Variants in ASPHD2 observed in about 807,000 individuals in gnomAD.
ASPHD2 encodes the protein aspartate beta-hydroxylase domain containing 2.
A neutral mutation model predicts 34.6 loss-of-function variants in ASPHD2; 12 were observed. The observed-to-expected ratio is 0.35, with a 90% CI of 0.22 to 0.56. The LOEUF (loss-of-function observed/expected upper bound fraction) is 0.56, where lower values mean the gene tolerates loss of function less well. ASPHD2 is among the 20% of genes least tolerant of loss of function. ASPHD2 has a pLI of 0.87. For missense variants in ASPHD2, 375 were observed against 505.0 expected, an observed-to-expected ratio of 0.74 and a Z score of 2.47; for synonymous variants, 224 against 212.2, an observed-to-expected ratio of 1.06 and a Z score of -0.48.
intron 2 of ASPHD2, among the ~76,000 whole-genome samples, chr22:26,438,468 C>CAT (rs1462463653): frequency 6.9e-4 from 48 of 69,782 alleles, no homozygotes; most frequent in Non-Finnish European, 1.4e-3. Flanking sequence ...TATACACACA[C>CAT]ACATATATAT....
At chr22:26,442,773 G>A (rs2084860367) in intron 3 of ASPHD2, among the ~76,000 whole-genome samples, 1 of 152,120 alleles carries the variant, frequency 6.6e-6, no homozygotes, top group Non-Finnish European at 1.5e-5. Context: ...CACTCTTGGT[G>A]TTGTCCATCC....
intron 2 of ASPHD2, among the ~76,000 whole-genome samples, chr22:26,436,144 A>G (rs1048646750): frequency 6.6e-6 from 1 of 152,236 alleles, no homozygotes; most frequent in African/African-American, 2.4e-5. Flanking sequence ...TTCGGAAGCA[A>G]ACAGATCTGG....
intron 2 of ASPHD2, among the ~76,000 whole-genome samples, chr22:26,440,812 T>C (rs2146133665): frequency 6.6e-6 from 1 of 152,322 alleles, no homozygotes; most frequent in African/African-American, 2.4e-5. Context: ...GAGCCTTTGA[T>C]TTTTTAATCG....
chr22:26,443,069 T>C lies in ASPHD2; in HGVS notation c.1001-28T>C, dbSNP rs1177158606. On this transcript the variant is annotated intron_variant, in intron 3 of 3. Transcript: ENST00000215906. ...TCCTGACTCCAGGGTGGTTTGAACCTGTCCTCTCACCCCTCCTTCCCCCCC... is the reference window on the plus strand; with the variant it reads ...TCCTGACTCCAGGGTGGTTTGAACCCGTCCTCTCACCCCTCCTTCCCCCCC... 2.5e-6 allele frequency: 4 copies of C among 1,574,128 alleles called. No homozygotes were observed. In the African/African-American group the frequency reaches 5.4e-5, roughly 21 times the overall value.
chr22:26,430,810 G>C (rs749126663), intron 1 of ASPHD2, among the ~76,000 whole-genome samples: 1 of 152,188 alleles, frequency 6.6e-6, no homozygotes, highest in East Asian at 1.9e-4. Context: ...TTATGATCTC[G>C]GGAGGAGGGT....
In ASPHD2 at chr22:26,434,091, G is replaced by A. The variant is rs372200519; in HGVS notation, c.476G>A (p.Arg159Gln). The A allele has an allele frequency of 4.2e-5, 68 of 1,612,862 alleles. No homozygotes were observed. Among genetic ancestry groups the A allele is most frequent in the Admixed American group, 2.5e-4 (15 of 59,686 alleles). ...GAGCAGGGCCGGTACCTCAACAGCC[G>A]GCCCTCCATCCAGAAGCCCGAGGTC... ...IREQGRYLNS[R>Q]PSIQKPEVFF... The change falls in exon 2 of 4, where the codon CGG (arginine) becomes CAG (glutamine). Residue 159 changes from arginine (R) to glutamine (Q), a missense_variant. By Grantham distance (43) the Arg-to-Gln change is conservative. This residue lies in a region of ASPHD2 where 223 missense variants were observed against 257.8 expected (regional missense o/e 0.87). Coordinates refer to ENST00000215906, the MANE Select transcript of ASPHD2 (RefSeq NM_020437.5).
intron 1 of ASPHD2, among the ~76,000 whole-genome samples, chr22:26,432,758 G>A (rs2084765363): frequency 6.6e-6 from 1 of 152,216 alleles, no homozygotes; most frequent in African/African-American, 2.4e-5. Context: ...TGGGTAGACA[G>A]AAAATGCCCT....
In ASPHD2 at chr22:26,433,393, T is replaced by G. The variant is rs1326220389; in HGVS notation, c.-223T>G. ...GCTGATTTTTTTTTTCCATCCCAGG[T>G]TTGGTTTTCCTAAACAAATCCTTTC... On this transcript the variant is annotated splice_region_variant and 5_prime_UTR_variant, in exon 2 of 4. Coordinates refer to ENST00000215906, the MANE Select transcript of ASPHD2 (RefSeq NM_020437.5). This position sits in a 1 kb window ranked among gnomAD's most constrained non-coding sequence, Gnocchi z 5.1. 2 of 544,492 alleles carry G rather than the reference T, an allele frequency of 3.7e-6. No individual in the cohort carries two copies. The highest frequency in any genetic ancestry group is 3.1e-5 in the East Asian group (1 of 31,974). The allele number at this position is 544,492 out of a possible 1,614,324, so 33.7% of individuals were successfully genotyped here.
intron 2 of ASPHD2, among the ~76,000 whole-genome samples, chr22:26,435,389 C>T (rs1008204002): frequency 6.6e-6 from 1 of 152,124 alleles, no homozygotes; most frequent in Non-Finnish European, 1.5e-5. Context: ...ATAAAAAGCT[C>T]GTCTCTGGGA....
Position 26,433,948 on chromosome 22 carries a change from T to C in ASPHD2, c.333T>C (p.Pro111=), listed in dbSNP as rs3747128. 0.15 allele frequency: 238,185 copies of C among 1,613,390 alleles called. 19,385 individuals carry two copies. The highest frequency in any genetic ancestry group is 0.17 in the Non-Finnish European group (199,530 of 1,179,952). ...LQNGYVYCQS[P]ECVRCTHNEG... ...ATGGCTACGTGTACTGCCAGTCCCC[T>C]GAGTGCGTGCGCTGCACCCACAACG... Residue 111 remains proline (P), a synonymous_variant, in exon 2 of 4, where the codon CCT becomes CCC. Transcript: ENST00000215906. The surrounding 1 kb of genome is among the most constrained non-coding windows in gnomAD (Gnocchi z 5.1).
In ASPHD2 at chr22:26,433,573, C is replaced by T; in HGVS notation, c.-43C>T. On this transcript the variant is annotated 5_prime_UTR_variant, in exon 2 of 4. Transcript: ENST00000215906. The surrounding 1 kb of genome is among the most constrained non-coding windows in gnomAD (Gnocchi z 5.1). ...ATCTGAGGATCGGTGGCAGCCATGC[C>T]TCCCCCTGCCCCAGCCGCTCCTTCC... is the stretch of plus-strand genomic sequence containing the variant. The T allele has an allele frequency of 2.7e-6, 4 of 1,458,406 alleles. No homozygotes were observed. The highest frequency in any genetic ancestry group is 1.2e-5 in the South Asian group (1 of 83,108). The allele number at this position is 1,458,406 out of a possible 1,614,324, so 90.3% of individuals were successfully genotyped here.
rs768319539 is a variant in ASPHD2 at position 26,434,085 on chromosome 22, A to C, written c.470A>C (p.Asn157Thr). Reference protein sequence around the residue: ...KGIREQGRYLNSRPSIQKPEV... With the variant: ...KGIREQGRYLTSRPSIQKPEV... ...ATCCGCGAGCAGGGCCGGTACCTCA[A>C]CAGCCGGCCCTCCATCCAGAAGCCC... Residue 157 changes from asparagine (N) to threonine (T), a missense_variant, in exon 2 of 4, where the codon AAC (asparagine) becomes ACC (threonine). Coordinates refer to ENST00000215906, the MANE Select transcript of ASPHD2 (RefSeq NM_020437.5). 1.2e-6 allele frequency: 2 copies of C among 1,613,244 alleles called. No homozygotes were observed. The highest frequency in any genetic ancestry group is 1.1e-5 in the South Asian group (1 of 91,076).
chr22:26,434,321 CA>C lies in ASPHD2; in HGVS notation c.707del (p.Gln236ArgfsTer39). 1 of 1,614,182 alleles carries C rather than the reference CA, an allele frequency of 6.2e-7. No individual in the cohort carries two copies. Among genetic ancestry groups the C allele is most frequent in the Non-Finnish European group, 8.5e-7 (1 of 1,180,028 alleles). ...GEWFTFYLVN[Q>X]GVCVPRNCRK... ...GTGGTTCACCTTTTACTTGGTCAATCAGGGGGTTTGTGTTCCCAGGAACTGT... is the reference window on the plus strand; with the variant it reads ...GTGGTTCACCTTTTACTTGGTCAATCGGGGGTTTGTGTTCCCAGGAACTGT... On this transcript the variant is annotated frameshift_variant, in exon 2 of 4. Transcript: ENST00000215906. LOFTEE classifies it high-confidence loss of function.
chr22:26,434,494 C>A lies in ASPHD2; in HGVS notation c.879C>A (p.Cys293Ter). Residue 293 changes from cysteine (C) to a stop codon, truncating the protein, a stop_gained, in exon 2 of 4, where the codon TGC becomes TGA. Transcript: ENST00000215906. LOFTEE classifies it high-confidence loss of function. ...HYGPTNIRIR[C>*]HLGLKTPNGC... The stretch of plus-strand genomic sequence containing the variant: ...GACCCACCAACATCCGCATCCGATG[C>A]CATTTAGGTATGTTGCAAGGACAGG... 6.3e-7 allele frequency: 1 copy of A among 1,586,356 alleles called. No homozygotes were observed. The highest frequency in any genetic ancestry group is 8.6e-7 in the Non-Finnish European group (1 of 1,161,170).
intron 2 of ASPHD2, among the ~76,000 whole-genome samples, chr22:26,438,461 AC>A (rs1227123644): frequency 1.4e-5 from 1 of 69,710 alleles, no homozygotes. Context: ...ACATATATAT[AC>A]ACACACACAT....
In ASPHD2 at chr22:26,444,561, C is replaced by G. The variant is rs550029172; in HGVS notation, c.*1355C>G. On this transcript the variant is annotated 3_prime_UTR_variant, in exon 4 of 4. Transcript: ENST00000215906. The stretch of plus-strand genomic sequence containing the variant: ...TAGCCGGCCAGCCACACTAGAGATG[C>G]CTTTTCTGAATAATGTATTATGAGC... 6.6e-6 allele frequency: 1 copy of G among 152,198 alleles called. No individual in the cohort carries two copies. Among genetic ancestry groups the G allele is most frequent in the Non-Finnish European group, 1.5e-5 (1 of 68,058 alleles). The allele number at this position is 152,198 out of a possible 1,614,324, so 9.4% of individuals were successfully genotyped here. A position where few individuals can be genotyped will look rare whatever the true frequency, so the allele number is the denominator to read the frequency against.
At chr22:26,441,683 T>C (rs2084841990) in intron 2 of ASPHD2, among the ~76,000 whole-genome samples, 1 of 151,944 alleles carries the variant, frequency 6.6e-6, no homozygotes, top group Non-Finnish European at 1.5e-5. Context: ...CCCAGCACTT[T>C]GGGAGGCTGA....
Position 26,433,589 on chromosome 22 carries a change from C to T in ASPHD2, c.-27C>T, listed in dbSNP as rs753922666. ...CAGCCATGCCTCCCCCTGCCCCAGC[C>T]GCTCCTTCCCCCCCACGCTAATCTG... On this transcript the variant is annotated 5_prime_UTR_variant, in exon 2 of 4. Transcript: ENST00000215906. This position sits in a 1 kb window ranked among gnomAD's most constrained non-coding sequence, Gnocchi z 5.1. The T allele has an allele frequency of 4.2e-5, 66 of 1,577,354 alleles. No individual in the cohort carries two copies. Among genetic ancestry groups the T allele is most frequent in the Middle Eastern group, 1.7e-4 (1 of 5,832 alleles).
chr22:26,434,548 C>T (rs767696519), intron 2 of ASPHD2, 47 bp downstream of exon 2: 85 of 1,513,956 alleles, frequency 5.6e-5, no homozygotes, highest in Middle Eastern at 1.8e-4. Context: ...TTTGCAAGCT[C>T]AGCCCCTCTC....
Sources: gnomAD v4.1 joint callset for allele counts (sites outside exome capture counted in the v4.1 genomes callset) on GRCh38, gnomAD v4.1.1 for gene constraint, gnomAD v4.1.1 regional missense constraint, Gnocchi (gnomAD v3.1) non-coding constraint, MANE v1.5 for transcripts, NCBI Gene and HGNC (gene_info 2026-07-23, HGNC 2026-07-21) for gene names.